Variants in ANGPT1 observed in about 807,000 individuals in gnomAD.
ANGPT1 encodes angiopoietin 1.
ANGPT1 carries 17 observed loss-of-function variants against 62.2 expected under a neutral mutation model. The ratio of observed to expected loss-of-function variants is 0.27; its 90% CI spans 0.19 to 0.41. The LOEUF (loss-of-function observed/expected upper bound fraction) is 0.41, where lower values mean the gene tolerates loss of function less well. ANGPT1 is among the 10% of genes least tolerant of loss of function. The pLI, the probability that ANGPT1 is intolerant of heterozygous loss-of-function variation, is 1.00. For synonymous variants in ANGPT1, 199 were observed against 198.9 expected, an observed-to-expected ratio of 1.00 and a Z score of 0.00; for missense variants, 478 against 594.9, an observed-to-expected ratio of 0.80 and a Z score of 2.04.
intron 1 of ANGPT1, among the ~76,000 whole-genome samples, chr8:107,496,841 C>T (rs1239747516): frequency 6.6e-6 from 1 of 152,052 alleles, no homozygotes; most frequent in Non-Finnish European, 1.5e-5. Context: ...TGATGATTTG[C>T]CACCCCAGCG....
intron 2 of ANGPT1, among the ~76,000 whole-genome samples, chr8:107,341,987 C>T (rs1815705820): frequency 6.6e-6 from 1 of 152,110 alleles, no homozygotes; most frequent in Admixed American, 6.6e-5. Context: ...ACTCTCTCTC[C>T]CTGCCCCTGC....
chr8:107,375,043 C>T (rs1816501368), intron 1 of ANGPT1, among the ~76,000 whole-genome samples: 1 of 151,968 alleles, frequency 6.6e-6, no homozygotes, highest in African/African-American at 2.4e-5. Context: ...GCCTACAGTC[C>T]CAGCTACTCA....
chr8:107,268,739 A>G (rs1044792346), intron 7 of ANGPT1, among the ~76,000 whole-genome samples: 4 of 152,134 alleles, frequency 2.6e-5, no homozygotes, highest in African/African-American at 9.6e-5. Context: ...AGGTGTGAAC[A>G]TAATTCCTTA....
At chr8:107,471,589 T>C (rs764521195) in intron 1 of ANGPT1, among the ~76,000 whole-genome samples, 4 of 152,068 alleles carry the variant, frequency 2.6e-5, no homozygotes, top group Non-Finnish European at 4.4e-5. Flanking sequence ...CATATCACTG[T>C]CCTGTCACCC....
chr8:107,475,531 G>A (rs1812495596), intron 1 of ANGPT1, among the ~76,000 whole-genome samples: 1 of 152,138 alleles, frequency 6.6e-6, no homozygotes, highest in African/African-American at 2.4e-5. Context: ...CATGGGCAAG[G>A]ACTTCATGTC....
intron 1 of ANGPT1, among the ~76,000 whole-genome samples, chr8:107,448,689 T>A (rs1410341611): frequency 6.6e-6 from 1 of 152,084 alleles, no homozygotes. Context: ...CAAAAGGAAT[T>A]CTCTTTATAC....
intron 1 of ANGPT1, among the ~76,000 whole-genome samples, chr8:107,424,720 T>C (rs1170432815): frequency 6.6e-6 from 1 of 152,234 alleles, no homozygotes; most frequent in Non-Finnish European, 1.5e-5. Flanking sequence ...GCATGAATGT[T>C]ATGATGACTG....
At chr8:107,488,514 G>T (rs185371073) in intron 1 of ANGPT1, among the ~76,000 whole-genome samples, 1 of 151,976 alleles carries the variant, frequency 6.6e-6, no homozygotes, top group Non-Finnish European at 1.5e-5. Context: ...AATCAGGTTC[G>T]ATTGCCAAGA....
intron 1 of ANGPT1, among the ~76,000 whole-genome samples, chr8:107,406,909 C>T (rs894313041): frequency 6.8e-6 from 1 of 146,034 alleles, no homozygotes; most frequent in Non-Finnish European, 1.5e-5. Flanking sequence ...AGCAATTCTA[C>T]ATAAAGTCTA....
At chr8:107,406,463 G>A (rs753332285) in intron 1 of ANGPT1, among the ~76,000 whole-genome samples, 7 of 151,950 alleles carry the variant, frequency 4.6e-5, no homozygotes, top group African/African-American at 1.2e-4. Flanking sequence ...ATACTCTAGA[G>A]TGATATTTTC....
At chr8:107,315,948 A>G (rs556389737) in intron 4 of ANGPT1, among the ~76,000 whole-genome samples, 1 of 152,162 alleles carries the variant, frequency 6.6e-6, no homozygotes, top group African/African-American at 2.4e-5. Context: ...CTAGAATCCG[A>G]TTTATCTGCC....
intron 1 of ANGPT1, among the ~76,000 whole-genome samples, chr8:107,470,729 G>A (rs540398136): frequency 1.9e-4 from 29 of 152,184 alleles, no homozygotes; most frequent in African/African-American, 6.3e-4. Context: ...ATCAAAAAGT[G>A]GGCAAAGGAT....
At chr8:107,425,029 C>A (rs756485027) in intron 1 of ANGPT1, among the ~76,000 whole-genome samples, 2 of 152,102 alleles carry the variant, frequency 1.3e-5, no homozygotes, top group Non-Finnish European at 2.9e-5. Flanking sequence ...CACGTGTCAC[C>A]ACGCCCAGCT....
intron 1 of ANGPT1, among the ~76,000 whole-genome samples, chr8:107,427,262 G>A (rs570981067): frequency 6.6e-6 from 1 of 152,060 alleles, no homozygotes; most frequent in African/African-American, 2.4e-5. Context: ...GGCTGCCTAG[G>A]GGCCAGGGCT....
At chr8:107,297,598 T>A (rs1814447067) in intron 5 of ANGPT1, among the ~76,000 whole-genome samples, 1 of 149,158 alleles carries the variant, frequency 6.7e-6, no homozygotes, top group Non-Finnish European at 1.5e-5. Context: ...ATACAAATTT[T>A]ATAATTTATT....
intron 1 of ANGPT1, among the ~76,000 whole-genome samples, chr8:107,457,944 A>G (rs1466377675): frequency 1.3e-5 from 2 of 151,856 alleles, no homozygotes; most frequent in East Asian, 3.9e-4. Flanking sequence ...TAGTAAGCAA[A>G]CTGTTCCAGT....
At chr8:107,491,961 A>T (rs1413566495) in intron 1 of ANGPT1, among the ~76,000 whole-genome samples, 1 of 152,204 alleles carries the variant, frequency 6.6e-6, no homozygotes, top group Admixed American at 6.5e-5. Context: ...CCTACTTGTC[A>T]TAGCCCTAAA....
At chr8:107,301,833 A>T (rs1020426753) in intron 5 of ANGPT1, among the ~76,000 whole-genome samples, 1 of 151,960 alleles carries the variant, frequency 6.6e-6, no homozygotes, top group African/African-American at 2.4e-5. Flanking sequence ...ACAACTATTC[A>T]TTACGGAAAT....
intron 1 of ANGPT1, among the ~76,000 whole-genome samples, chr8:107,402,488 G>A (rs958098083): frequency 6.6e-6 from 1 of 152,180 alleles, no homozygotes. Context: ...GATAGCATGG[G>A]AGGGTACACA....
Sources: allele counts gnomAD v4.1 joint callset (sites outside exome capture counted in the v4.1 genomes callset), GRCh38; gene constraint gnomAD v4.1.1; transcripts MANE v1.5; gene names NCBI Gene and HGNC (gene_info 2026-07-23, HGNC 2026-07-21).